SEMA3A: variants seen among roughly 807,000 people sequenced by gnomAD.
SEMA3A encodes the protein semaphorin-3A.
SEMA3A carries 29 observed loss-of-function variants against 97.9 expected under a neutral mutation model. The ratio of observed to expected loss-of-function variants is 0.30; its 90% CI spans 0.22 to 0.40. SEMA3A has a LOEUF of 0.40. SEMA3A is among the 10% of genes least tolerant of loss of function. The pLI, the probability that SEMA3A is intolerant of heterozygous loss-of-function variation, is 1.00. For synonymous variants in SEMA3A, 321 were observed against 323.7 expected, an observed-to-expected ratio of 0.99 and a Z score of 0.09; for missense variants, 763 against 951.3, an observed-to-expected ratio of 0.80 and a Z score of 2.60.
chr7:84,021,778 T>A (rs1319773154), intron 6 of SEMA3A, among the ~76,000 whole-genome samples: 1 of 152,170 alleles, frequency 6.6e-6, no homozygotes, highest in Non-Finnish European at 1.5e-5. Context: ...GAACTAAAAA[T>A]TGGTAGGTTC....
intron 1 of SEMA3A, among the ~76,000 whole-genome samples, chr7:84,152,698 A>T (rs13236303): frequency 0.38 from 57,557 of 151,514 alleles, 12,812 homozygotes; most frequent in Admixed American, 0.49. Flanking sequence ...ATAATAATAA[A>T]AAATAAATAA....
At chr7:84,086,769 G>A (rs538984935) in intron 4 of SEMA3A, among the ~76,000 whole-genome samples, 1 of 150,198 alleles carries the variant, frequency 6.7e-6, no homozygotes, top group Admixed American at 6.7e-5. Context: ...CACCTTTCAA[G>A]TATTGGCTGT....
intron 1 of SEMA3A, among the ~76,000 whole-genome samples, chr7:84,404,920 G>A (rs369470528): frequency 1.3e-5 from 2 of 152,118 alleles, no homozygotes; most frequent in Non-Finnish European, 2.9e-5. Context: ...GGAACAACTG[G>A]TACCAGCCAC....
At chr7:84,336,493 G>A (rs1445036454) in intron 2 of SEMA3A, among the ~76,000 whole-genome samples, 2 of 152,006 alleles carry the variant, frequency 1.3e-5, no homozygotes, top group African/African-American at 4.8e-5. Flanking sequence ...ATGAGTAGAT[G>A]GAACTAAAAA....
intron 3 of SEMA3A, among the ~76,000 whole-genome samples, chr7:84,272,633 C>A (rs1477969425): frequency 6.6e-6 from 1 of 151,930 alleles, no homozygotes; most frequent in Non-Finnish European, 1.5e-5. Context: ...ATTCTTCAAG[C>A]TTTTATTGAT....
At chr7:84,449,429 C>A (rs1342065211) in intron 1 of SEMA3A, among the ~76,000 whole-genome samples, 1 of 151,882 alleles carries the variant, frequency 6.6e-6, no homozygotes, top group Non-Finnish European at 1.5e-5. Context: ...ATTAGACTAA[C>A]CAAGAAGAAA....
At chr7:84,372,319 T>C (rs1802995507) in intron 1 of SEMA3A, 1 of 152,148 alleles carries the variant, frequency 6.6e-6, no homozygotes, top group South Asian at 2.1e-4. Context: ...TCCGGTTAAC[T>C]CACTGTGAGT....
chr7:84,019,229 G>A (rs1421024142), intron 6 of SEMA3A, among the ~76,000 whole-genome samples: 3 of 152,134 alleles, frequency 2.0e-5, no homozygotes, highest in South Asian at 2.1e-4. Context: ...GAACATTTGA[G>A]CGATGGAAGG....
intron 1 of SEMA3A, among the ~76,000 whole-genome samples, chr7:84,378,723 T>C (rs925658954): frequency 6.6e-6 from 1 of 152,166 alleles, no homozygotes; most frequent in South Asian, 2.1e-4. Context: ...AAAAAGAATA[T>C]ATATATATAC....
chr7:84,443,880 CTTTTTT>C (rs71078831), intron 1 of SEMA3A, among the ~76,000 whole-genome samples: 9,380 of 92,346 alleles, frequency 0.1, 490 homozygotes, highest in African/African-American at 0.2. Context: ...GTGCTTTGTC[CTTTTTT>C]TTTTTTTTTT....
intron 13 of SEMA3A, among the ~76,000 whole-genome samples, chr7:83,983,502 T>G (rs1789509446): frequency 6.6e-6 from 1 of 151,868 alleles, no homozygotes; most frequent in South Asian, 2.1e-4. Flanking sequence ...ATTACCTAAA[T>G]AACAGTATCT....
intron 3 of SEMA3A, among the ~76,000 whole-genome samples, chr7:84,232,018 A>G (rs951884828): frequency 4.0e-5 from 6 of 151,396 alleles, no homozygotes; most frequent in African/African-American, 1.5e-4. Context: ...GTGTATATGT[A>G]AATATATGTT....
At chr7:84,114,370 C>G (rs552629587) in intron 3 of SEMA3A, among the ~76,000 whole-genome samples, 4 of 152,096 alleles carry the variant, frequency 2.6e-5, no homozygotes, top group Non-Finnish European at 5.9e-5. Context: ...AATCAAACAA[C>G]TTGTTCTGGC....
intron 3 of SEMA3A, among the ~76,000 whole-genome samples, chr7:84,295,783 G>T (rs1017926535): frequency 2.6e-5 from 4 of 151,646 alleles, no homozygotes; most frequent in African/African-American, 9.7e-5. Context: ...TTTACTCTCA[G>T]TTATAATAAA....
intron 6 of SEMA3A, among the ~76,000 whole-genome samples, chr7:84,025,793 G>C (rs140160116): frequency 6.6e-6 from 1 of 152,230 alleles, no homozygotes; most frequent in East Asian, 1.9e-4. Flanking sequence ...ACATACCCCA[G>C]AAAGAAATCC....
rs372103758 is a variant in SEMA3A at position 84,443,958 on chromosome 7, C to A, written c.-246+48502G>T. The stretch of plus-strand genomic sequence containing the variant: ...CTGGAATGCAGTGGTGTGATCTTGG[C>A]TCCCTTCAACCTCCACCTCCTGGGT... On this transcript the variant is annotated intron_variant, in intron 1 of 3. Coordinates refer to the SEMA3A transcript ENST00000424555. 3.2e-3 allele frequency among the ~76,000 whole-genome samples: 447 copies of A among 137,884 alleles called. 2 individuals are homozygous for A. Among genetic ancestry groups the A allele is most frequent in the African/African-American group, 0.012 (432 of 36,928 alleles). The allele number at this position is 137,884 out of a possible 152,430, so 90.5% of individuals were successfully genotyped here.
chr7:84,052,351 T>C (rs976367134), intron 5 of SEMA3A, among the ~76,000 whole-genome samples: 2 of 152,206 alleles, frequency 1.3e-5, no homozygotes, highest in African/African-American at 2.4e-5. Flanking sequence ...TGCACTCTTT[T>C]TGGTTGGTAA....
Position 84,007,343 on chromosome 7 carries a change from A to T in SEMA3A, c.1140+10T>A, listed in dbSNP as rs777052646. ...ATTCATTTCATATTTTAAACACCTA[A>T]GCTACTTACAGTTCCTGGCCGTGGA... is the stretch of plus-strand genomic sequence containing the variant. On this transcript the variant is annotated intron_variant, in intron 10 of 16. Coordinates refer to ENST00000265362, the MANE Select transcript of SEMA3A (RefSeq NM_006080.3). 1.0e-5 allele frequency: 16 copies of T among 1,587,392 alleles called. No homozygotes were observed. Among genetic ancestry groups the T allele is most frequent in the Non-Finnish European group, 1.4e-5 (16 of 1,168,196 alleles).
At chr7:84,014,485 T>A in intron 6 of SEMA3A, 134 bp from the exon 7 acceptor site, 1 of 687,408 alleles carries the variant, frequency 1.5e-6, no homozygotes, top group Non-Finnish European at 2.4e-6. Context: ...GTTCATTTTG[T>A]AGGTACATAT....
Sources: gnomAD v4.1 joint callset for allele counts (sites outside exome capture counted in the v4.1 genomes callset) on GRCh38, gnomAD v4.1.1 for gene constraint, MANE v1.5 for transcripts, NCBI Gene and HGNC (gene_info 2026-07-23, HGNC 2026-07-21) for gene names.